Variants in FAM149A observed in about 807,000 individuals in gnomAD.
The protein encoded by FAM149A is family with sequence similarity 149 member A, also known as protein FAM149A.
Under a neutral mutation model 78.2 loss-of-function variants are expected in FAM149A, and 71 were observed. The ratio of observed to expected loss-of-function variants is 0.91; its 90% CI spans 0.75 to 1.11. The LOEUF is 1.11. Ranked by LOEUF, FAM149A falls within the 50% of genes least tolerant of loss-of-function variation. FAM149A has a pLI of 0.00. For synonymous variants in FAM149A, 446 were observed against 410.5 expected, an observed-to-expected ratio of 1.09 and a Z score of -1.04; for missense variants, 1,036 against 971.0, an observed-to-expected ratio of 1.07 and a Z score of -0.89.
At chr4:186,136,946 C>CTCTCTCTCTCTT (rs2099323073) in intron 1 of FAM149A, among the ~76,000 whole-genome samples, 43 of 128,762 alleles carry the variant, frequency 3.3e-4, no homozygotes, top group Middle Eastern at 4.0e-3. Context: ...ATCTCTCTCT[C>CTCTCTCTCTCTT]TCTCTCTCTC....
intron 1 of FAM149A, chr4:186,118,165 G>C (rs1335569875): frequency 1.0e-6 from 1 of 985,326 alleles, no homozygotes; most frequent in African/African-American, 1.7e-5. Flanking sequence ...AACACACACA[G>C]TGATCACAAA....
At chr4:186,136,976 T>TCTCTCTCTTTCTC (rs2099323291) in intron 1 of FAM149A, among the ~76,000 whole-genome samples, 5 of 72,120 alleles carry the variant, frequency 6.9e-5, no homozygotes, top group African/African-American at 3.1e-4. Flanking sequence ...CTCTCTCTCT[T>TCTCTCTCTTTCTC]TCTCTCTCTC....
In FAM149A at chr4:186,144,746, C is replaced by T; in HGVS notation, c.567-4427C>T. On this transcript the variant is annotated intron_variant, in intron 1 of 13. Transcript: ENST00000389354. The surrounding 1 kb of genome is among the most constrained non-coding windows in gnomAD (Gnocchi z 4.2). ...CGCGGGGCCGGGGCCGGGGCCGGGG[C>T]CCGGAGCGGGGATGGGCGGGCGCAG... The T allele has an allele frequency of 1.1e-6, 1 of 884,424 alleles. No individual in the cohort carries two copies. The highest frequency in any genetic ancestry group is 1.9e-5 in the African/African-American group (1 of 52,674). The allele number at this position is 884,424 out of a possible 1,614,324, so 54.8% of individuals were successfully genotyped here.
At chr4:186,108,489 G>A (rs550355309) in intron 1 of FAM149A, among the ~76,000 whole-genome samples, 1 of 152,040 alleles carries the variant, frequency 6.6e-6, no homozygotes, top group East Asian at 1.9e-4. Context: ...CTGCAATTTA[G>A]AGGCTTTTTT....
At chr4:186,133,206 T>C in intron 1 of FAM149A, 1 of 984,234 alleles carries the variant, frequency 1.0e-6, no homozygotes, top group Non-Finnish European at 1.2e-6. Context: ...TAAATATGCA[T>C]GAGACAGAAT....
intron 1 of FAM149A, chr4:186,124,353 G>A (rs539826161): frequency 3.6e-5 from 12 of 333,942 alleles, no homozygotes; most frequent in Non-Finnish European, 4.7e-5. Context: ...ATGTTGCTGT[G>A]CTGCACCCAT....
At chr4:186,137,019 T>TCTC (rs2099323656) in intron 1 of FAM149A, among the ~76,000 whole-genome samples, 1 of 125,548 alleles carries the variant, frequency 8.0e-6, no homozygotes, top group Non-Finnish European at 1.6e-5. Context: ...TCTCTCTCTC[T>TCTC]AAGTGCTTAA....
At chr4:186,127,169 G>A (rs564288394) in intron 1 of FAM149A, 50 of 981,846 alleles carry the variant, frequency 5.1e-5, no homozygotes, top group Non-Finnish European at 5.7e-5. Context: ...TACACCTCTC[G>A]CCAACTCCAC....
chr4:186,161,074 A>G (rs1176702240), intron 8 of FAM149A, among the ~76,000 whole-genome samples: 1 of 152,160 alleles, frequency 6.6e-6, no homozygotes, highest in Non-Finnish European at 1.5e-5. Context: ...AGTCTATATA[A>G]TCCTTTGTAA....
chr4:186,147,122 C>G (rs1014457516), intron 1 of FAM149A, among the ~76,000 whole-genome samples: 2 of 152,150 alleles, frequency 1.3e-5, no homozygotes, highest in Non-Finnish European at 2.9e-5. Flanking sequence ...GTGGCTCATG[C>G]CTATAGTCCC....
chr4:186,158,430 C>A, intron 8 of FAM149A: 1 of 1,165,908 alleles, frequency 8.6e-7, no homozygotes, highest in Non-Finnish European at 1.1e-6. Flanking sequence ...GAGTTCTGGG[C>A]ATGCGTGACA....
chr4:186,136,676 TTA>T (rs1678489913), intron 1 of FAM149A, among the ~76,000 whole-genome samples: 2 of 152,202 alleles, frequency 1.3e-5, no homozygotes, highest in Admixed American at 6.5e-5. Flanking sequence ...GATACAACAT[TTA>T]TAGCAATTTC....
chr4:186,149,485 C>G, intron 2 of FAM149A, 81 bp from the exon 3 acceptor site: 1 of 1,220,810 alleles, frequency 8.2e-7, no homozygotes, highest in Non-Finnish European at 1.1e-6. Flanking sequence ...AAAGAGGAAG[C>G]AGGCTCAGAA....
At chr4:186,147,962 T>C (rs901024371) in intron 1 of FAM149A, among the ~76,000 whole-genome samples, 48 of 152,370 alleles carry the variant, frequency 3.2e-4, no homozygotes, top group African/African-American at 8.2e-4. Context: ...TTATTCTCTC[T>C]TGCATGAGAC....
intron 8 of FAM149A, chr4:186,158,795 C>T (rs1579910242): frequency 2.9e-6 from 3 of 1,019,814 alleles, no homozygotes; most frequent in Non-Finnish European, 3.5e-6. Flanking sequence ...TGTTCTGCAG[C>T]TCCCAATGCT....
At position 186,154,425 on chromosome 4, in the gene FAM149A, GTGTT is replaced by G. The variant is rs765456300; in HGVS notation, c.1059-42_1059-39del. On this transcript the variant is annotated intron_variant, in intron 5 of 13. Coordinates refer to ENST00000389354, the MANE Select transcript of FAM149A (RefSeq NM_001367768.3). ...TGATCGTTTAAGCATTGCGTTCTTG[GTGTT>G]CTATAAACTCCCATGTAGAATCTGT... 2.6e-6 allele frequency: 4 copies of G among 1,524,028 alleles called. No homozygotes were observed. In the Admixed American group the frequency reaches 5.6e-5, roughly 21 times the overall value. 94.4% of individuals were successfully genotyped at this position (1,524,028 alleles called of 1,614,324 possible).
intron 1 of FAM149A, among the ~76,000 whole-genome samples, chr4:186,140,893 A>C (rs958645494): frequency 3.9e-5 from 6 of 152,252 alleles, no homozygotes; most frequent in African/African-American, 1.4e-4. Flanking sequence ...AAAGAGATTT[A>C]TTACAAGGAT....
intron 8 of FAM149A, among the ~76,000 whole-genome samples, chr4:186,159,806 C>T (rs1734365007): frequency 1.3e-5 from 2 of 151,890 alleles, no homozygotes; most frequent in Non-Finnish European, 2.9e-5. Flanking sequence ...AGGTTGTTTC[C>T]ACTGCCCACC....
chr4:186,152,792 C>T (rs1393266309), intron 4 of FAM149A, among the ~76,000 whole-genome samples: 1 of 152,042 alleles, frequency 6.6e-6, no homozygotes, highest in Non-Finnish European at 1.5e-5. Context: ...GATCCGCCCG[C>T]CTCAGCCTCC....
Sources: allele counts gnomAD v4.1 joint callset (sites outside exome capture counted in the v4.1 genomes callset), GRCh38; gene constraint gnomAD v4.1.1; non-coding constraint Gnocchi (gnomAD v3.1); transcripts MANE v1.5; gene names NCBI Gene and HGNC (gene_info 2026-07-23, HGNC 2026-07-21).